Variants in TFEC observed in about 807,000 individuals in gnomAD.
TFEC encodes transcription factor EC, also known as class E basic helix-loop-helix protein 34.
In TFEC, 31 loss-of-function variants were observed where a neutral mutation model predicts 41.6. The ratio of observed to expected loss-of-function variants is 0.74; its 90% CI spans 0.56 to 1.01. The LOEUF (loss-of-function observed/expected upper bound fraction) is 1.01, where lower values mean the gene tolerates loss of function less well. Among genes scored for constraint, TFEC ranks in the 50% least tolerant of loss-of-function variants. The probability of loss-of-function intolerance (pLI) is 0.00; values close to 1 mark genes in which losing one functional copy is unlikely to be tolerated. For synonymous variants in TFEC, 143 were observed against 140.6 expected, an observed-to-expected ratio of 1.02 and a Z score of -0.12; for missense variants, 402 against 404.1, an observed-to-expected ratio of 0.99 and a Z score of 0.04.
Position 115,950,917 on chromosome 7 carries a change from G to T in TFEC, c.472C>A (p.Arg158=). The T allele has an allele frequency of 1.9e-6, 3 of 1,601,658 alleles. No individual in the cohort carries two copies. Among genetic ancestry groups the T allele is most frequent in the Non-Finnish European group, 1.7e-6 (2 of 1,172,348 alleles). ...ATAAGAGTGCCAAGCTCCTTGATTC[G>T]GTAATTAATATTATACCTTCTTCTT... is the stretch of plus-strand genomic sequence containing the variant. ...ERRRRYNINY[R]IKELGTLIPK... Residue 158 remains arginine (R), a synonymous_variant, in exon 6 of 8, where the codon CGA becomes AGA. Transcript: ENST00000265440.
At chr7:116,020,537 C>A (rs1795356502) in intron 1 of TFEC, among the ~76,000 whole-genome samples, 1 of 152,088 alleles carries the variant, frequency 6.6e-6, no homozygotes. Flanking sequence ...TTATTCAGGT[C>A]AAAGGGCTTC....
At chr7:116,010,599 T>G (rs995531156) in intron 1 of TFEC, among the ~76,000 whole-genome samples, 7 of 152,146 alleles carry the variant, frequency 4.6e-5, no homozygotes, top group African/African-American at 1.7e-4. Flanking sequence ...GTATGGTCCA[T>G]TATAATTTAT....
chr7:116,136,435 T>A (rs989300689), intron 1 of TFEC, among the ~76,000 whole-genome samples: 2 of 151,960 alleles, frequency 1.3e-5, no homozygotes, highest in African/African-American at 2.4e-5. Flanking sequence ...TCAGGTCTAG[T>A]TAAGGAGAAA....
rs563903751 is a variant in TFEC, at chr7:115,985,261, C to T, written c.-72-748G>A. 8.5e-5 allele frequency among the ~76,000 whole-genome samples: 13 copies of T among 152,174 alleles called. No homozygotes were observed. The South Asian group carries it at 2.3e-3, about 27-fold the overall frequency. Reference sequence around the variant, plus strand: ...TCCCTTTTTCAAAATATACCACATACTTTCAAAATTTTACACCTTCAGTCT... The same window carrying T: ...TCCCTTTTTCAAAATATACCACATATTTTCAAAATTTTACACCTTCAGTCT... On this transcript the variant is annotated intron_variant, in intron 1 of 7. Coordinates refer to ENST00000265440, the MANE Select transcript of TFEC (RefSeq NM_012252.4).
intron 1 of TFEC, among the ~76,000 whole-genome samples, chr7:116,006,176 T>G (rs1584683803): frequency 6.6e-6 from 1 of 152,304 alleles, no homozygotes; most frequent in East Asian, 1.9e-4. Flanking sequence ...ACAGAGTCCC[T>G]ACTGGACCAC....
intron 1 of TFEC, among the ~76,000 whole-genome samples, chr7:116,112,783 G>A (rs1044046173): frequency 6.6e-6 from 1 of 151,798 alleles, no homozygotes; most frequent in African/African-American, 2.4e-5. Context: ...AGGTAATAAC[G>A]GATCAGCAAA....
intron 3 of TFEC, among the ~76,000 whole-genome samples, chr7:116,070,259 C>T (rs960253339): frequency 3.3e-5 from 5 of 151,332 alleles, no homozygotes; most frequent in Non-Finnish European, 7.4e-5. Context: ...TTTAATGTTT[C>T]TCATGTTAAA....
At chr7:116,026,347 C>CA (rs1795584991) in intron 1 of TFEC, among the ~76,000 whole-genome samples, 2 of 152,212 alleles carry the variant, frequency 1.3e-5, no homozygotes, top group African/African-American at 4.8e-5. Flanking sequence ...TGAACCCTTT[C>CA]CAGATTGGCA....
At chr7:116,021,081 G>C (rs1795377026) in intron 1 of TFEC, among the ~76,000 whole-genome samples, 2 of 152,000 alleles carry the variant, frequency 1.3e-5, no homozygotes, top group South Asian at 2.1e-4. Context: ...GCCCAAACCT[G>C]GGAACTTATA....
intron 3 of TFEC, among the ~76,000 whole-genome samples, chr7:116,062,915 C>G (rs1283748271): frequency 6.6e-6 from 1 of 152,070 alleles, no homozygotes; most frequent in Non-Finnish European, 1.5e-5. Flanking sequence ...CATTCATCCA[C>G]CATATGACCC....
intron 1 of TFEC, among the ~76,000 whole-genome samples, chr7:115,994,007 GAT>G (rs1368797271): frequency 6.6e-6 from 1 of 152,116 alleles, no homozygotes; most frequent in East Asian, 1.9e-4. Context: ...CCAAAACAGA[GAT>G]ATAGACCTAT....
chr7:116,079,768 C>A (rs185069682), intron 3 of TFEC, among the ~76,000 whole-genome samples: 2 of 152,034 alleles, frequency 1.3e-5, no homozygotes, highest in South Asian at 2.1e-4. Flanking sequence ...AATCAATGTA[C>A]AAACTCAATG....
chr7:116,100,682 C>A (rs1410931478), intron 3 of TFEC, among the ~76,000 whole-genome samples: 2 of 152,024 alleles, frequency 1.3e-5, no homozygotes, highest in East Asian at 1.9e-4. Context: ...TATGTCAATT[C>A]CAATATTCCT....
At chr7:116,078,310 C>G (rs1378854795) in intron 3 of TFEC, among the ~76,000 whole-genome samples, 1 of 116,912 alleles carries the variant, frequency 8.6e-6, no homozygotes, top group East Asian at 3.9e-4. Flanking sequence ...AAACCCCAAA[C>G]CAGCAGAAGA....
chr7:116,141,508 A>C (rs772235392), intron 1 of TFEC, among the ~76,000 whole-genome samples: 9 of 152,254 alleles, frequency 5.9e-5, no homozygotes, highest in Admixed American at 6.5e-5. Flanking sequence ...ACAACTGGAC[A>C]AAGGTAAAAC....
At chr7:115,947,399 T>C (rs1791652209) in intron 6 of TFEC, among the ~76,000 whole-genome samples, 1 of 151,274 alleles carries the variant, frequency 6.6e-6, no homozygotes, top group African/African-American at 2.4e-5. Flanking sequence ...TGTGTCTTTA[T>C]AGCAGCATGA....
At chr7:116,057,913 C>A (rs1236400489) in intron 3 of TFEC, among the ~76,000 whole-genome samples, 1 of 151,660 alleles carries the variant, frequency 6.6e-6, no homozygotes, top group Admixed American at 6.6e-5. Flanking sequence ...AGATAAAATG[C>A]AATCATAAAG....
At chr7:116,130,486 TAA>T (rs1370027641) in intron 1 of TFEC, among the ~76,000 whole-genome samples, 3 of 152,218 alleles carry the variant, frequency 2.0e-5, no homozygotes, top group Non-Finnish European at 2.9e-5. Flanking sequence ...AAGAAACCGA[TAA>T]GAGACAAGTG....
chr7:116,141,800 G>A (rs1798547109), intron 1 of TFEC, among the ~76,000 whole-genome samples: 1 of 152,138 alleles, frequency 6.6e-6, no homozygotes, highest in Non-Finnish European at 1.5e-5. Context: ...TAGACTGAAT[G>A]TTATCAAAAA....
Sources: gnomAD v4.1 joint callset for allele counts (sites outside exome capture counted in the v4.1 genomes callset) on GRCh38, gnomAD v4.1.1 for gene constraint, MANE v1.5 for transcripts, NCBI Gene and HGNC (gene_info 2026-07-23, HGNC 2026-07-21) for gene names.